Variants in FGD5 observed in about 807,000 individuals in gnomAD.
FGD5 encodes FYVE, RhoGEF and PH domain-containing protein 5.
In FGD5, 28 loss-of-function variants were observed where a neutral mutation model predicts 133.4. The ratio of observed to expected loss-of-function variants is 0.21; its 90% CI spans 0.16 to 0.29. The LOEUF (loss-of-function observed/expected upper bound fraction) is 0.29. FGD5 is among the 10% of genes least tolerant of loss of function. The pLI is 1.00. For synonymous variants in FGD5, 810 were observed against 776.5 expected (o/e 1.04, Z -0.72); for missense variants, 1,858 against 1,895.2 (o/e 0.98, Z 0.36).
intron 1 of FGD5, among the ~76,000 whole-genome samples, chr3:14,844,659 C>T (rs142622472): frequency 3.8e-4 from 58 of 152,278 alleles, no homozygotes; most frequent in African/African-American, 1.3e-3. Flanking sequence ...GCATAGTTCA[C>T]TGACAGTGTG....
chr3:14,880,519 C>G, intron 2 of FGD5, 53 bp from the exon 3 acceptor site: 1 of 1,583,902 alleles, frequency 6.3e-7, no homozygotes, highest in Non-Finnish European at 8.6e-7. Context: ...TGGTGGCCTC[C>G]TCTAGAAACC....
chr3:14,832,607 G>C (rs1268359864), intron 1 of FGD5, among the ~76,000 whole-genome samples: 2 of 152,178 alleles, frequency 1.3e-5, no homozygotes, highest in Non-Finnish European at 2.9e-5. Flanking sequence ...AGAGAAAACT[G>C]AGGTTCAGAG....
intron 9 of FGD5, among the ~76,000 whole-genome samples, chr3:14,902,047 C>T (rs999902853): frequency 9.9e-5 from 15 of 151,712 alleles, no homozygotes; most frequent in African/African-American, 3.6e-4. Flanking sequence ...TTTGGGAGGC[C>T]GAGGCAGGTG....
intron 18 of FGD5, 132 bp from the exon 19 acceptor site, chr3:14,932,445 T>C: frequency 2.0e-6 from 2 of 1,003,360 alleles, no homozygotes; most frequent in Non-Finnish European, 2.9e-6. Flanking sequence ...ACAGTTTGTG[T>C]GTGGTGAGCC....
chr3:14,933,230 C>A lies in FGD5; in HGVS notation c.*63C>A. On this transcript the variant is annotated 3_prime_UTR_variant, in exon 20 of 20. Coordinates refer to ENST00000285046, the MANE Select transcript of FGD5 (RefSeq NM_152536.4). ...GTCAATATGTGAATGCTTTTAGAAGCTAAGCTGTGGCTCAACTCATCCGGA... is the reference window on the plus strand; with the variant it reads ...GTCAATATGTGAATGCTTTTAGAAGATAAGCTGTGGCTCAACTCATCCGGA... 1 of 1,573,508 alleles carries A rather than the reference C, an allele frequency of 6.4e-7. No individual in the cohort carries two copies. The highest frequency in any genetic ancestry group is 8.7e-7 in the Non-Finnish European group (1 of 1,152,416).
chr3:14,910,857 A>T lies in FGD5; in HGVS notation c.3337-4A>T, dbSNP rs764911694. ...ACCGCCAAGTTCTGCTTCTCTCCCC[A>T]CAGGAGTTTCTGAAGGAAGGGACGC... On this transcript the variant is annotated splice_region_variant and splice_polypyrimidine_tract_variant and intron_variant, in intron 10 of 19. Coordinates refer to ENST00000285046, the MANE Select transcript of FGD5 (RefSeq NM_152536.4). 1.2e-6 allele frequency: 2 copies of T among 1,612,548 alleles called. No individual in the cohort carries two copies. Among genetic ancestry groups the T allele is most frequent in the Admixed American group, 1.7e-5 (1 of 59,904 alleles).
chr3:14,914,321 C>T (rs558350977), intron 11 of FGD5, among the ~76,000 whole-genome samples: 2 of 152,336 alleles, frequency 1.3e-5, no homozygotes, highest in Non-Finnish European at 2.9e-5. Flanking sequence ...TACCAGGCAG[C>T]GACGTCCTTG....
intron 4 of FGD5, chr3:14,882,302 T>C: frequency 1.0e-6 from 1 of 985,380 alleles, no homozygotes; most frequent in Non-Finnish European, 1.2e-6. Flanking sequence ...CTGGGAAACT[T>C]GCATCTATGT....
chr3:14,897,554 G>A lies in FGD5; in HGVS notation c.2794G>A (p.Glu932Lys), dbSNP rs2038160356. 1 of 1,605,700 alleles carries A rather than the reference G, an allele frequency of 6.2e-7. No homozygotes were observed. Among genetic ancestry groups the A allele is most frequent in the East Asian group, 2.2e-5 (1 of 44,624 alleles). The change falls in exon 5 of 20, where the codon GAA becomes AAA. Residue 932 changes from glutamate to lysine, a missense_variant. Physicochemically the swap from Glu to Lys is moderately conservative, Grantham distance 56. This residue lies in a region of FGD5 where 1,824 missense variants were observed against 1,848.9 expected (regional missense o/e 0.99). Transcript: ENST00000285046. ...VMRALDDMDH[E>K]GRDTLAREEL... ...GAGGGCCTTGGATGACATGGACCAT[G>A]AAGGCAGAGACACATTGGCCCGGGA... is the stretch of plus-strand genomic sequence containing the variant.
chr3:14,887,511 C>T (rs952034885), intron 4 of FGD5, among the ~76,000 whole-genome samples: 4 of 151,832 alleles, frequency 2.6e-5, no homozygotes, highest in Non-Finnish European at 5.9e-5. Context: ...AGCCACTGCA[C>T]TCCAGCCTGA....
intron 1 of FGD5, among the ~76,000 whole-genome samples, chr3:14,836,642 A>C (rs1419813929): frequency 6.6e-6 from 1 of 152,148 alleles, no homozygotes; most frequent in Non-Finnish European, 1.5e-5. Context: ...CCTCATTTAC[A>C]GAGGAGAAAC....
At chr3:14,900,508 G>C in intron 8 of FGD5, 55 bp downstream of exon 8, 1 of 1,590,630 alleles carries the variant, frequency 6.3e-7, no homozygotes, top group Non-Finnish European at 8.6e-7. Context: ...GCCTCCTTGC[G>C]CCAAAGCCTG....
Position 14,819,759 on chromosome 3 carries a change from G to C in FGD5, c.688G>C (p.Asp230His), listed in dbSNP as rs1173644431. Residue 230 changes from aspartate to histidine, a missense_variant, in exon 1 of 20, where the codon GAT (aspartate) becomes CAT (histidine). Asp to His is a moderately conservative substitution (Grantham distance 81, BLOSUM62 -1). Coordinates refer to ENST00000285046, the MANE Select transcript of FGD5 (RefSeq NM_152536.4). The surrounding 1 kb of genome is among the most constrained non-coding windows in gnomAD (Gnocchi z 4.1). ...TGCCAGCACAGACCCAGCAGGGGCA[G>C]ATGAGGGTTCGGGTCCTGACAGGCC... Reference protein sequence around the residue: ...GCASTDPAGADEGSGPDRPTE... With the variant: ...GCASTDPAGAHEGSGPDRPTE... 6 of 1,543,302 alleles carry C rather than the reference G, an allele frequency of 3.9e-6. No individual in the cohort carries two copies. The highest frequency in any genetic ancestry group is 2.7e-5 in the African/African-American group (2 of 73,102).
intron 4 of FGD5, among the ~76,000 whole-genome samples, chr3:14,886,263 C>T (rs562427758): frequency 1.3e-5 from 2 of 152,330 alleles, no homozygotes; most frequent in Admixed American, 6.5e-5. Flanking sequence ...GAAAGCTTCA[C>T]TTGTCAAACT....
intron 1 of FGD5, among the ~76,000 whole-genome samples, chr3:14,813,534 A>G (rs1017839102): frequency 4.6e-5 from 7 of 152,238 alleles, no homozygotes; most frequent in South Asian, 2.1e-4. Context: ...CAGGGGGAGT[A>G]TAGTGAACTG....
In FGD5 at chr3:14,880,582, A is replaced by G. The variant is rs1443668220; in HGVS notation, c.2669A>G (p.Gln890Arg). 6.2e-7 allele frequency: 1 copy of G among 1,613,908 alleles called. No homozygotes were observed. ...DPSVTHKVEG[Q>R]SRALVIAQEL... Reference sequence around the variant, plus strand: ...TCTTTCCTCCCACAGGTGGAAGGACAGTCCAGAGCCCTTGTCATCGCACAG... The same window carrying G: ...TCTTTCCTCCCACAGGTGGAAGGACGGTCCAGAGCCCTTGTCATCGCACAG... Residue 890 changes from glutamine (Q) to arginine (R), a missense_variant, in exon 3 of 20, where the codon CAG (glutamine) becomes CGG (arginine). Physicochemically the swap from Gln to Arg is conservative, Grantham distance 43. Coordinates refer to ENST00000285046, the MANE Select transcript of FGD5 (RefSeq NM_152536.4).
At chr3:14,904,021 C>G (rs2038291992) in intron 9 of FGD5, among the ~76,000 whole-genome samples, 1 of 152,168 alleles carries the variant, frequency 6.6e-6, no homozygotes, top group Admixed American at 6.5e-5. Context: ...GGGTATATGG[C>G]TATTTGGGAA....
intron 1 of FGD5, among the ~76,000 whole-genome samples, chr3:14,849,917 G>A (rs918450659): frequency 3.9e-5 from 6 of 152,136 alleles, no homozygotes; most frequent in Non-Finnish European, 8.8e-5. Flanking sequence ...TTGGCTGGCT[G>A]TGTCTGTGTG....
intron 4 of FGD5, among the ~76,000 whole-genome samples, chr3:14,893,810 A>G (rs7625288): frequency 0.097 from 12,227 of 125,578 alleles, 1,830 homozygotes; most frequent in African/African-American, 0.34. Flanking sequence ...GCTGGAGTGC[A>G]GTGGCCATGC....
Sources: allele counts gnomAD v4.1 joint callset (sites outside exome capture counted in the v4.1 genomes callset), GRCh38; gene constraint gnomAD v4.1.1; regional missense constraint gnomAD v4.1.1; non-coding constraint Gnocchi (gnomAD v3.1); transcripts MANE v1.5; gene names NCBI Gene and HGNC (gene_info 2026-07-23, HGNC 2026-07-21).